ADAMTSL3: variants seen among roughly 807,000 people sequenced by gnomAD.
ADAMTSL3 encodes ADAMTS-like protein 3.
In ADAMTSL3, 128 loss-of-function variants were observed where a neutral mutation model predicts 201.7. The observed-to-expected ratio is 0.63, with a 90% CI of 0.55 to 0.73. ADAMTSL3 has a LOEUF of 0.73. ADAMTSL3 is among the 30% of genes least tolerant of loss of function. The probability of loss-of-function intolerance (pLI) is 0.00; values close to 1 mark genes in which losing one functional copy is unlikely to be tolerated. For synonymous variants in ADAMTSL3, 738 were observed against 748.4 expected (o/e 0.99, Z 0.23); for missense variants, 1,990 against 2,119.6 (o/e 0.94, Z 1.20).
chr15:83,856,865 T>A (rs1323268186), intron 7 of ADAMTSL3, among the ~76,000 whole-genome samples: 1 of 152,224 alleles, frequency 6.6e-6, no homozygotes, highest in Non-Finnish European at 1.5e-5. Context: ...ATTCTATGTT[T>A]AATATCTTGA....
chr15:83,982,396 A>G lies in ADAMTSL3; in HGVS notation c.2768A>G (p.Tyr923Cys), dbSNP rs2067399151. 2 of 1,614,090 alleles carry G rather than the reference A, an allele frequency of 1.2e-6. No individual in the cohort carries two copies. The highest frequency in any genetic ancestry group is 1.1e-5 in the South Asian group (1 of 91,082). Residue 923 changes from tyrosine (Y) to cysteine (C), a missense_variant, in exon 21 of 30, where the codon TAT becomes TGT. Coordinates refer to ENST00000286744, the MANE Select transcript of ADAMTSL3 (RefSeq NM_207517.3). ...RINLTIGSRA[Y>C]LLPNTSVIIK... Reference sequence around the variant, plus strand: ...AACCTGACCATTGGTAGCAGAGCCTATTTGCTGCCCAACACATCCGTGATT... The same window carrying G: ...AACCTGACCATTGGTAGCAGAGCCTGTTTGCTGCCCAACACATCCGTGATT...
intron 6 of ADAMTSL3, among the ~76,000 whole-genome samples, chr15:83,828,605 A>C (rs1252567042): frequency 6.6e-6 from 1 of 152,148 alleles, no homozygotes; most frequent in Non-Finnish European, 1.5e-5. Flanking sequence ...GTCTTGTGCC[A>C]GTTTTCAAAG....
At chr15:83,884,373 C>G (rs1291964710) in intron 9 of ADAMTSL3, among the ~76,000 whole-genome samples, 1 of 110,378 alleles carries the variant, frequency 9.1e-6, no homozygotes, top group Non-Finnish European at 1.7e-5. Context: ...GACAGTGGTT[C>G]AAGACATTCT....
chr15:83,738,951 AAAAATAAAAT>A (rs57844422), intron 3 of ADAMTSL3, among the ~76,000 whole-genome samples: 2 of 148,846 alleles, frequency 1.3e-5, no homozygotes, highest in African/African-American at 2.5e-5. Context: ...CCACAAGAAA[AAAAATAAAAT>A]AAAATAAAAT....
chr15:83,781,438 A>T (rs2063166062), intron 4 of ADAMTSL3, among the ~76,000 whole-genome samples: 1 of 152,202 alleles, frequency 6.6e-6, no homozygotes, highest in South Asian at 2.1e-4. Flanking sequence ...GATCAATTCT[A>T]TACATCATAT....
chr15:83,804,091 C>T (rs192499894), intron 4 of ADAMTSL3, among the ~76,000 whole-genome samples: 6 of 151,936 alleles, frequency 3.9e-5, no homozygotes, highest in South Asian at 4.2e-4. Context: ...TGCAGTGAGC[C>T]GAGATCAAGC....
chr15:83,675,093 G>A (rs1053920065), intron 2 of ADAMTSL3, among the ~76,000 whole-genome samples: 14 of 151,796 alleles, frequency 9.2e-5, no homozygotes, highest in African/African-American at 3.4e-4. Context: ...TATTGATCTT[G>A]TATCTTGCAA....
intron 8 of ADAMTSL3, among the ~76,000 whole-genome samples, chr15:83,870,295 A>G (rs2065058216): frequency 6.6e-6 from 1 of 152,214 alleles, no homozygotes; most frequent in South Asian, 2.1e-4. Flanking sequence ...TGTAACATGT[A>G]AACATTAGAC....
intron 2 of ADAMTSL3, among the ~76,000 whole-genome samples, chr15:83,702,568 GA>G (rs1278442467): frequency 2.0e-5 from 3 of 152,212 alleles, no homozygotes; most frequent in Non-Finnish European, 4.4e-5. Flanking sequence ...AGCTATGGCT[GA>G]AAGGGGCCAA....
intron 28 of ADAMTSL3, among the ~76,000 whole-genome samples, chr15:84,035,878 T>C (rs909490004): frequency 3.3e-5 from 5 of 152,202 alleles, no homozygotes; most frequent in African/African-American, 1.2e-4. Context: ...CATTATTTGC[T>C]CTTTATGAAA....
Position 83,816,253 on chromosome 15 carries a change from T to G in ADAMTSL3, c.364-3558T>G, listed in dbSNP as rs2063768962. ...AGAAATGGCCAGTCCAACCCCAGAT[T>G]GATATGAGTTCTTAGCTCTCTTAGC... On this transcript the variant is annotated intron_variant, in intron 5 of 29. Transcript: ENST00000286744. Among the ~76,000 whole-genome samples, 3 of 152,238 alleles carry G rather than the reference T, an allele frequency of 2.0e-5. 1 individual carries two copies. The South Asian group carries it at 6.2e-4, about 32-fold the overall frequency.
At chr15:83,872,627 C>CACACACACAG (rs6145659) in intron 9 of ADAMTSL3, among the ~76,000 whole-genome samples, 33,124 of 140,806 alleles carry the variant, frequency 0.24, 4,584 homozygotes, top group Admixed American at 0.4. Flanking sequence ...CACACACACA[C>CACACACACAG]AGAGTTTTTG....
At chr15:84,014,769 T>C in intron 24 of ADAMTSL3, 45 bp downstream of exon 24, 2 of 1,543,194 alleles carry the variant, frequency 1.3e-6, no homozygotes, top group Non-Finnish European at 1.8e-6. Context: ...TCCTGTAATA[T>C]GCACAAAGTA....
At chr15:83,865,497 A>G (rs2064956634) in intron 8 of ADAMTSL3, among the ~76,000 whole-genome samples, 1 of 152,186 alleles carries the variant, frequency 6.6e-6, no homozygotes, top group African/African-American at 2.4e-5. Context: ...AACCCGACAA[A>G]AACAAGAAAT....
intron 15 of ADAMTSL3, among the ~76,000 whole-genome samples, chr15:83,904,401 G>T (rs899495645): frequency 6.6e-6 from 1 of 152,056 alleles, no homozygotes; most frequent in African/African-American, 2.4e-5. Flanking sequence ...GTGGTTTGGG[G>T]ATGCTTGCTT....
chr15:83,741,142 C>T (rs1457249443), intron 3 of ADAMTSL3, among the ~76,000 whole-genome samples: 4 of 151,668 alleles, frequency 2.6e-5, no homozygotes, highest in Non-Finnish European at 4.4e-5. Flanking sequence ...TAAAATTATA[C>T]TCCAATCTCA....
At chr15:84,034,509 T>C (rs1426665831) in intron 28 of ADAMTSL3, among the ~76,000 whole-genome samples, 1 of 152,182 alleles carries the variant, frequency 6.6e-6, no homozygotes, top group Non-Finnish European at 1.5e-5. Context: ...CCCAGACTTA[T>C]GGCAAGGTGA....
intron 5 of ADAMTSL3, among the ~76,000 whole-genome samples, chr15:83,814,573 C>T (rs1016224634): frequency 6.6e-6 from 1 of 152,222 alleles, no homozygotes; most frequent in African/African-American, 2.4e-5. Context: ...TGAGATTTCA[C>T]TTTTCCACAA....
intron 28 of ADAMTSL3, among the ~76,000 whole-genome samples, chr15:84,035,191 C>T (rs565149294): frequency 1.3e-5 from 2 of 152,288 alleles, no homozygotes; most frequent in Non-Finnish European, 1.5e-5. Context: ...TTCCCACTGG[C>T]CCTGCCTTTC....
Sources: allele counts gnomAD v4.1 joint callset (sites outside exome capture counted in the v4.1 genomes callset), GRCh38; gene constraint gnomAD v4.1.1; transcripts MANE v1.5; gene names NCBI Gene and HGNC (gene_info 2026-07-23, HGNC 2026-07-21).